The following FAM81A variants were observed in gnomAD, a reference collection of about 807,000 sequenced individuals.
FAM81A encodes family with sequence similarity 81 member A.
In FAM81A, 19 loss-of-function variants were observed where a neutral mutation model predicts 46.7. The ratio of observed to expected loss-of-function variants is 0.41; its 90% CI spans 0.28 to 0.60. The LOEUF is 0.60. Ranked by LOEUF, FAM81A falls within the 20% of genes least tolerant of loss-of-function variation. FAM81A has a pLI of 0.34. For missense variants in FAM81A, 377 were observed against 453.5 expected (o/e 0.83, Z 1.53); for synonymous variants, 183 against 152.9 (o/e 1.20, Z -1.45).
chr15:59,413,148 G>C lies in FAM81A; in HGVS notation c.-78+10790G>C, dbSNP rs530175247. Among the ~76,000 whole-genome samples the C allele has an allele frequency of 1.1e-4, 16 of 152,228 alleles. No individual in the cohort carries two copies. In the South Asian group the frequency reaches 2.1e-3, roughly 20 times the overall value. On this transcript the variant is annotated intron_variant, in intron 2 of 4. Transcript: ENST00000558348. ...TGGCAAAGGGGGAGAAGGGGTGGCT[G>C]TGGAAATTCTCCTTTCTTGTGGTCT...
intron 1 of FAM81A, among the ~76,000 whole-genome samples, chr15:59,452,135 G>A (rs944908181): frequency 6.6e-6 from 1 of 152,148 alleles, no homozygotes; most frequent in Non-Finnish European, 1.5e-5. Flanking sequence ...TTCAGATTTC[G>A]TTGTCAAAGT....
At chr15:59,468,485 T>C (rs1288399141) in intron 3 of FAM81A, among the ~76,000 whole-genome samples, 1 of 152,198 alleles carries the variant, frequency 6.6e-6, no homozygotes, top group African/African-American at 2.4e-5. Flanking sequence ...GATTTTCTAG[T>C]TTATTTGTGT....
intron 6 of FAM81A, among the ~76,000 whole-genome samples, chr15:59,513,767 A>G (rs1438116668): frequency 6.6e-6 from 1 of 152,210 alleles, no homozygotes; most frequent in Non-Finnish European, 1.5e-5. Context: ...TTACAAAGAT[A>G]CATGCATACG....
At chr15:59,448,000 G>A (rs1161413980) in intron 1 of FAM81A, among the ~76,000 whole-genome samples, 1 of 152,168 alleles carries the variant, frequency 6.6e-6, no homozygotes, top group Non-Finnish European at 1.5e-5. Context: ...TCTTCTCACT[G>A]TGGGGAGAAA....
chr15:59,498,381 G>A (rs2082056175), intron 4 of FAM81A, among the ~76,000 whole-genome samples: 1 of 152,094 alleles, frequency 6.6e-6, no homozygotes, highest in South Asian at 2.1e-4. Flanking sequence ...CTTGTGTCCT[G>A]CAACCCTGCT....
intron 2 of FAM81A, among the ~76,000 whole-genome samples, chr15:59,421,631 G>C (rs976567837): frequency 6.6e-6 from 1 of 152,136 alleles, no homozygotes; most frequent in African/African-American, 2.4e-5. Flanking sequence ...CCTATACCTG[G>C]AGTCCTTGGT....
chr15:59,439,992 T>G (rs572270593), intron 1 of FAM81A: 2 of 152,310 alleles, frequency 1.3e-5, no homozygotes, highest in East Asian at 3.9e-4. Context: ...AGAGCCTGAG[T>G]GAACAACTTG....
chr15:59,476,940 T>C (rs2081778226), intron 3 of FAM81A, among the ~76,000 whole-genome samples: 2 of 151,124 alleles, frequency 1.3e-5, no homozygotes, highest in African/African-American at 4.9e-5. Flanking sequence ...GCCAACATGG[T>C]GAAACCCCAT....
intron 1 of FAM81A, among the ~76,000 whole-genome samples, chr15:59,453,474 T>C (rs1025565648): frequency 1.1e-4 from 16 of 152,196 alleles, no homozygotes; most frequent in African/African-American, 3.9e-4. Context: ...CTGTTAGTTA[T>C]GTGACCCCCA....
At chr15:59,404,031 CG>C (rs1433183909) in intron 2 of FAM81A, among the ~76,000 whole-genome samples, 1 of 151,792 alleles carries the variant, frequency 6.6e-6, no homozygotes, top group Non-Finnish European at 1.5e-5. Flanking sequence ...TACAGGCGTG[CG>C]CCACCATAGC....
chr15:59,487,185 TA>T (rs1300804907), intron 3 of FAM81A, among the ~76,000 whole-genome samples: 2 of 146,986 alleles, frequency 1.4e-5, no homozygotes, highest in South Asian at 2.1e-4. Context: ...TATATATATA[TA>T]TTTTATATAT....
intron 4 of FAM81A, among the ~76,000 whole-genome samples, chr15:59,506,510 C>G (rs1257624858): frequency 2.0e-5 from 3 of 152,196 alleles, no homozygotes; most frequent in Non-Finnish European, 4.4e-5. Flanking sequence ...GGCATTCTGT[C>G]TCTACTGAGC....
intron 4 of FAM81A, among the ~76,000 whole-genome samples, chr15:59,495,974 C>A (rs2082029008): frequency 6.6e-6 from 1 of 152,088 alleles, no homozygotes; most frequent in South Asian, 2.1e-4. Context: ...TAAGGGATGT[C>A]TTTTCATTTT....
rs567522193 is a variant in FAM81A, at chr15:59,411,462, A to G, written c.-78+9104A>G. Among the ~76,000 whole-genome samples, 38 of 152,340 alleles carry G rather than the reference A, an allele frequency of 2.5e-4. No individual in the cohort carries two copies. The South Asian group carries it at 5.0e-3, about 20-fold the overall frequency. On this transcript the variant is annotated intron_variant, in intron 2 of 4. Transcript: ENST00000558348. Reference sequence around the variant, plus strand: ...TGAAGAGGGGAAGTAAATTACTCAGAGTATTGATCAGAATGTATACAGTAG... The same window carrying G: ...TGAAGAGGGGAAGTAAATTACTCAGGGTATTGATCAGAATGTATACAGTAG...
intron 6 of FAM81A, among the ~76,000 whole-genome samples, chr15:59,510,469 T>A (rs2082194660): frequency 6.7e-6 from 1 of 149,838 alleles, no homozygotes; most frequent in South Asian, 2.1e-4. Context: ...GAACACCAAA[T>A]AAATATAGAA....
intron 4 of FAM81A, among the ~76,000 whole-genome samples, chr15:59,501,473 A>C (rs2082090137): frequency 6.6e-6 from 1 of 152,048 alleles, no homozygotes; most frequent in South Asian, 2.1e-4. Flanking sequence ...TGATACATAT[A>C]TATATAATAA....
At chr15:59,435,831 A>G (rs181276965), upstream of FAM81A, among the ~76,000 whole-genome samples, 10 of 152,314 alleles carry the variant, frequency 6.6e-5, no homozygotes, top group South Asian at 1.5e-3. Flanking sequence ...GAAAATCTCC[A>G]TCTCCTGTAA....
At chr15:59,398,953 A>T (rs1248637259) in intron 1 of FAM81A, among the ~76,000 whole-genome samples, 2 of 151,982 alleles carry the variant, frequency 1.3e-5, no homozygotes, top group African/African-American at 4.8e-5. Context: ...GTGGATCACG[A>T]GGTCAGGAGA....
intron 3 of FAM81A, among the ~76,000 whole-genome samples, chr15:59,484,369 A>G (rs1236319274): frequency 1.3e-5 from 2 of 152,196 alleles, no homozygotes; most frequent in East Asian, 1.9e-4. Context: ...ACAACTGTCT[A>G]CAAAATAAAG....
Sources: allele counts gnomAD v4.1 joint callset (sites outside exome capture counted in the v4.1 genomes callset), GRCh38; gene constraint gnomAD v4.1.1; transcripts MANE v1.5; gene names NCBI Gene and HGNC (gene_info 2026-07-23, HGNC 2026-07-21).